VSX1: variants seen among roughly 807,000 people sequenced by gnomAD.
VSX1 encodes visual system homeobox 1.
In VSX1, 23 loss-of-function variants were observed where a neutral mutation model predicts 23.6. That is an observed-to-expected ratio of 0.97 (90% CI 0.70 to 1.38). The LOEUF is 1.38. Among genes scored for constraint, VSX1 ranks in the 40% most tolerant of loss-of-function variants. VSX1 has a pLI of 0.00. For synonymous variants in VSX1, 247 were observed against 215.1 expected, an observed-to-expected ratio of 1.15 and a Z score of -1.30; for missense variants, 517 against 495.4, an observed-to-expected ratio of 1.04 and a Z score of -0.41.
chr20:25,082,057 T>A lies in VSX1; in HGVS notation c.40A>T (p.Ser14Cys). ...GAACCGCCAGGCACCAGCGCCCTGC[T>A]GCTAGTGCGCCCGTCGGAAAGCGAG... ...RDSLSDGRTS[S>C]RALVPGGSPR... The change falls in exon 1 of 5, where the codon AGC (serine) becomes TGC (cysteine). Residue 14 changes from serine (S) to cysteine (C), a missense_variant. Coordinates refer to ENST00000376709, the MANE Select transcript of VSX1 (RefSeq NM_014588.6). The A allele has an allele frequency of 6.5e-7, 1 of 1,538,670 alleles. No homozygotes were observed. Among genetic ancestry groups the A allele is most frequent in the Non-Finnish European group, 8.7e-7 (1 of 1,148,482 alleles).
downstream of VSX1, among the ~76,000 whole-genome samples, chr20:25,073,156 CAT>C (rs2089415496): frequency 1.3e-5 from 2 of 152,258 alleles, no homozygotes; most frequent in South Asian, 4.2e-4. Flanking sequence ...GAAAAATTTT[CAT>C]ATGATATTTT....
chr20:25,079,027 C>T, intron 2 of VSX1, 75 bp from the exon 3 acceptor site: 10 of 1,583,258 alleles, frequency 6.3e-6, no homozygotes, highest in Middle Eastern at 4.5e-4. Context: ...TAAGGACCAC[C>T]GTGCCTGCTT....
chr20:25,073,008 G>A (rs904802258), downstream of VSX1, among the ~76,000 whole-genome samples: 1 of 152,202 alleles, frequency 6.6e-6, no homozygotes, highest in East Asian at 1.9e-4. Context: ...TCTGTAGCCA[G>A]ATTCCAATCT....
rs2089535286 is a variant in VSX1 at position 25,077,744 on chromosome 20, T to A, written c.749A>T (p.Asp250Val). The A allele has an allele frequency of 2.6e-6, 4 of 1,549,678 alleles. No homozygotes were observed. Among genetic ancestry groups the A allele is most frequent in the Non-Finnish European group, 2.6e-6 (3 of 1,146,756 alleles). Residue 250 changes from aspartate to valine, a missense_variant, in exon 4 of 5, where the codon GAC (aspartate) becomes GTC (valine). Coordinates refer to ENST00000376709, the MANE Select transcript of VSX1 (RefSeq NM_014588.6). ...GCCCTCGGCGGAGTTGAGCACGGAG[T>A]CTGGCAGCGGGATGCAGTGGCGCAC... Reference protein sequence around the residue: ...AMVRHCIPLPDSVLNSAEGGL... With the variant: ...AMVRHCIPLPVSVLNSAEGGL...
At chr20:25,073,550 T>C (rs115307259), downstream of VSX1, among the ~76,000 whole-genome samples, 1,136 of 152,334 alleles carry the variant, frequency 7.5e-3, 8 homozygotes, top group African/African-American at 0.025. Flanking sequence ...GGCCACGACC[T>C]AGCCCCAGAG....
chr20:25,072,680 T>A (rs959797649), downstream of VSX1: 7 of 471,026 alleles, frequency 1.5e-5, no homozygotes, highest in Non-Finnish European at 2.6e-5. Flanking sequence ...TGAACATGAT[T>A]CATTGACCAC....
At position 25,081,931 on chromosome 20, in the gene VSX1, C is replaced by T. The variant is rs746221110; in HGVS notation, c.166G>A (p.Glu56Lys). 6.5e-7 allele frequency: 1 copy of T among 1,531,818 alleles called. No homozygotes were observed. Among genetic ancestry groups the T allele is most frequent in the South Asian group, 1.2e-5 (1 of 83,858 alleles). The allele number at this position is 1,531,818 out of a possible 1,614,324, so 94.9% of individuals were successfully genotyped here. A position where few individuals can be genotyped will look rare whatever the true frequency, so the allele number is the denominator to read the frequency against. The change falls in exon 1 of 5, where the codon GAG becomes AAG. Residue 56 changes from glutamate (E) to lysine (K), a missense_variant. Physicochemically the swap from Glu to Lys is moderately conservative, Grantham distance 56. Transcript: ENST00000376709. ...PAGPGQGSGC[E>K]GPAVAPCPGP... ...GGGCACGGCGCGACTGCCGGACCCT[C>T]GCAGCCAGATCCCTGTCCTGGGCCA...
At chr20:25,071,948 C>T (rs1018204346), downstream of VSX1, 62 of 661,620 alleles carry the variant, frequency 9.4e-5, no homozygotes, top group African/African-American at 8.9e-4. Context: ...GGCACCACCA[C>T]GGGGTCTGGG....
chr20:25,078,633 AAAT>A lies in VSX1; in HGVS notation c.627+193_627+195del, dbSNP rs986312403. The A allele has an allele frequency of 8.9e-5, 135 of 1,515,890 alleles. 1 individual carries two copies. In the African/African-American group the frequency reaches 1.7e-3, roughly 20 times the overall value. The allele number at this position is 1,515,890 out of a possible 1,614,324, so 93.9% of individuals were successfully genotyped here. A position where few individuals can be genotyped will look rare whatever the true frequency, so the allele number is the denominator to read the frequency against. Reference sequence around the variant, plus strand: ...TGATTTTAAAGAATGATTTGATACTAAATAATAATAAAATGAAAAAAGGCATGA... The same window carrying A: ...TGATTTTAAAGAATGATTTGATACTAAATAATAAAATGAAAAAAGGCATGA... On this transcript the variant is annotated intron_variant, in intron 3 of 4. Transcript: ENST00000376709.
chr20:25,078,561 TCATTGACATA>T, intron 3 of VSX1: 6 of 1,340,524 alleles, frequency 4.5e-6, no homozygotes, highest in Non-Finnish European at 5.7e-6. Flanking sequence ...TTTTTTTTTT[TCATTGACATA>T]TCTTTATAGT....
At chr20:25,074,607 A>AT (rs1008418339), downstream of VSX1, among the ~76,000 whole-genome samples, 8 of 151,274 alleles carry the variant, frequency 5.3e-5, no homozygotes, top group South Asian at 4.2e-4. Context: ...TTTTTTAGGG[A>AT]TTTTTTTTAC....
intron 1 of VSX1, among the ~76,000 whole-genome samples, chr20:25,079,829 G>C (rs1384725108): frequency 2.0e-5 from 3 of 152,170 alleles, no homozygotes; most frequent in Admixed American, 2.0e-4. Flanking sequence ...GTAGTAAATG[G>C]TGAAGTTGAG....
downstream of VSX1, chr20:25,072,699 A>T (rs991157342): frequency 8.5e-5 from 40 of 470,736 alleles, no homozygotes; most frequent in Non-Finnish European, 2.6e-5. Flanking sequence ...ACAGAAAACA[A>T]TTGTGTTTTC....
At position 25,081,411 on chromosome 20, in the gene VSX1, G is replaced by C. The variant is rs78756784; in HGVS notation, c.424+262C>G. ...TGAAGACCCCAGGGTCTCATCAAAAGGTTCCACCCGGAACCAGGTGGTGGC... is the reference window on the plus strand; with the variant it reads ...TGAAGACCCCAGGGTCTCATCAAAACGTTCCACCCGGAACCAGGTGGTGGC... On this transcript the variant is annotated intron_variant, in intron 1 of 4. Coordinates refer to ENST00000376709, the MANE Select transcript of VSX1 (RefSeq NM_014588.6). The C allele has an allele frequency of 8.9e-4, 663 of 746,820 alleles. 2 individuals are homozygous for C. The African/African-American group carries it at 1.0e-2, about 11-fold the overall frequency. The allele number at this position is 746,820 out of a possible 1,614,324, so 46.3% of individuals were successfully genotyped here.
chr20:25,075,037 A>T (rs912641201), downstream of VSX1, among the ~76,000 whole-genome samples: 1 of 152,220 alleles, frequency 6.6e-6, no homozygotes, highest in African/African-American at 2.4e-5. Context: ...GGTGATGTTT[A>T]ATTTTCCCAA....
chr20:25,078,837 G>C lies in VSX1; in HGVS notation c.619C>G (p.Arg207Gly), dbSNP rs483352777. The change falls in exon 3 of 5, where the codon CGG (arginine) becomes GGG (glycine). Residue 207 changes from arginine (R) to glycine (G), a missense_variant. Physicochemically the swap from Arg to Gly is moderately radical, Grantham distance 125. Transcript: ENST00000376709. ...LAVKTELPED[R>G]IQVWFQNRRA... ...AAAGGGACCCCAGACACCTGTATCC[G>C]GTCTTCGGGGAGCTCAGTTTTCACA... The C allele has an allele frequency of 1.9e-6, 3 of 1,614,082 alleles. No individual in the cohort carries two copies. Among genetic ancestry groups the C allele is most frequent in the East Asian group, 2.2e-5 (1 of 44,878 alleles).
chr20:25,075,160 TCCCAGAGAAAG>T (rs955396876), downstream of VSX1, among the ~76,000 whole-genome samples: 6 of 152,200 alleles, frequency 3.9e-5, no homozygotes, highest in African/African-American at 1.4e-4. Context: ...CTGGGCCAGT[TCCCAGAGAAAG>T]CCCTCACAAT....
At chr20:25,081,111 A>AG (rs1186921965) in intron 1 of VSX1, among the ~76,000 whole-genome samples, 1 of 152,236 alleles carries the variant, frequency 6.6e-6, no homozygotes, top group Non-Finnish European at 1.5e-5. Flanking sequence ...TCTCCTGCAC[A>AG]GGGGACTGGG....
chr20:25,073,162 A>C (rs533681361), downstream of VSX1, among the ~76,000 whole-genome samples: 1 of 152,132 alleles, frequency 6.6e-6, no homozygotes, highest in African/African-American at 2.4e-5. Context: ...TTTTCATATG[A>C]TATTTTTAAA....
Sources: allele counts gnomAD v4.1 joint callset (sites outside exome capture counted in the v4.1 genomes callset), GRCh38; gene constraint gnomAD v4.1.1; transcripts MANE v1.5; gene names NCBI Gene and HGNC (gene_info 2026-07-23, HGNC 2026-07-21).